ATP6V1G3: variants seen among roughly 807,000 people sequenced by gnomAD.
ATP6V1G3 encodes V-type proton ATPase subunit G 3.
Under a neutral mutation model 9.3 loss-of-function variants are expected in ATP6V1G3, and 9 were observed. The observed-to-expected ratio is 0.97, with a 90% CI of 0.59 to 1.69. The LOEUF (loss-of-function observed/expected upper bound fraction) is 1.69, where lower values mean the gene tolerates loss of function less well. Among genes scored for constraint, ATP6V1G3 ranks in the 40% most tolerant of loss-of-function variants. ATP6V1G3 has a pLI of 0.00. For synonymous variants in ATP6V1G3, 43 were observed against 43.8 expected (o/e 0.98, Z 0.07); for missense variants, 133 against 139.0 (o/e 0.96, Z 0.22).
At chr1:198,539,248 C>T (rs1196289791) in intron 1 of ATP6V1G3, among the ~76,000 whole-genome samples, 1 of 152,184 alleles carries the variant, frequency 6.6e-6, no homozygotes, top group South Asian at 2.1e-4. Flanking sequence ...TGCCTTATTT[C>T]TGACTGACTT....
intron 1 of ATP6V1G3, among the ~76,000 whole-genome samples, chr1:198,532,146 A>G (rs1157420515): frequency 2.6e-5 from 4 of 152,170 alleles, no homozygotes; most frequent in Non-Finnish European, 5.9e-5. Flanking sequence ...AGAGATTTGC[A>G]TATTAGTCAT....
At chr1:198,529,245 TTA>T (rs1029511573) in intron 1 of ATP6V1G3, 64 bp from the exon 2 acceptor site, 13 of 370,254 alleles carry the variant, frequency 3.5e-5, no homozygotes, top group Non-Finnish European at 2.0e-5. Flanking sequence ...TAAATATTTA[TTA>T]TATATATCTC....
chr1:198,534,725 G>C (rs1660037941), intron 1 of ATP6V1G3, among the ~76,000 whole-genome samples: 1 of 152,096 alleles, frequency 6.6e-6, no homozygotes, highest in South Asian at 2.1e-4. Context: ...ATAAACAAAG[G>C]GTACTTTGGT....
intron 1 of ATP6V1G3, among the ~76,000 whole-genome samples, chr1:198,529,888 G>T (rs1041801715): frequency 6.6e-6 from 1 of 151,968 alleles, no homozygotes; most frequent in Non-Finnish European, 1.5e-5. Context: ...TTTATTAAGA[G>T]CAAAGGTGTA....
upstream of ATP6V1G3, chr1:198,540,858 A>T (rs1660317919): frequency 3.4e-6 from 2 of 594,502 alleles, no homozygotes; most frequent in East Asian, 2.8e-5. Context: ...ACCAATGTGC[A>T]TAAATTGAGA....
chr1:198,529,868 C>G (rs1659824946), intron 1 of ATP6V1G3, among the ~76,000 whole-genome samples: 1 of 151,902 alleles, frequency 6.6e-6, no homozygotes. Context: ...AGTTAAGTAG[C>G]CTTTTTTCTT....
Sources: gnomAD v4.1 joint callset for allele counts (sites outside exome capture counted in the v4.1 genomes callset) on GRCh38, gnomAD v4.1.1 for gene constraint, MANE v1.5 for transcripts, NCBI Gene and HGNC (gene_info 2026-07-23, HGNC 2026-07-21) for gene names.